The following HELQ variants were observed in gnomAD, a reference collection of about 807,000 sequenced individuals.
HELQ encodes helicase, POLQ like.
In HELQ, 77 loss-of-function variants were observed where a neutral mutation model predicts 111.6. The observed-to-expected ratio is 0.69, with a 90% CI of 0.57 to 0.83. HELQ has a LOEUF of 0.83. Ranked by LOEUF, HELQ falls within the 40% of genes least tolerant of loss-of-function variation. The pLI is 0.00. For synonymous variants in HELQ, 438 were observed against 454.7 expected, an observed-to-expected ratio of 0.96 and a Z score of 0.47; for missense variants, 1,200 against 1,288.5, an observed-to-expected ratio of 0.93 and a Z score of 1.05.
rs1406635262 is a variant in HELQ, at chr4:83,455,592, G to T, written c.102C>A (p.Leu34=). The T allele has an allele frequency of 1.2e-6, 2 of 1,613,930 alleles. No individual in the cohort carries two copies. The highest frequency in any genetic ancestry group is 2.7e-5 in the African/African-American group (2 of 74,876). The part of the protein sequence containing the change: ...CIFGAPTAAE[L]VPGDEGKEEE... ...CCTCTTTCCCCTCATCTCCGGGCAC[G>T]AGCTCGGCCGCGGTGGGAGCGCCAA... The change falls in exon 1 of 18, where the codon CTC becomes CTA. Residue 34 remains leucine (L), a synonymous_variant. Coordinates refer to ENST00000295488, the MANE Select transcript of HELQ (RefSeq NM_133636.5).
In HELQ at chr4:83,453,642, T is replaced by C. The variant is rs532015069; in HGVS notation, c.601A>G (p.Ile201Val). 6.2e-7 allele frequency: 1 copy of C among 1,614,086 alleles called. No homozygotes were observed. The highest frequency in any genetic ancestry group is 8.5e-7 in the Non-Finnish European group (1 of 1,179,942). The change falls in exon 2 of 18, where the codon ATA becomes GTA. Residue 201 changes from isoleucine (I) to valine (V), a missense_variant. This residue lies in a region of HELQ where 610 missense variants were observed against 607.1 expected (regional missense o/e 1.00). Transcript: ENST00000295488. ...LLYDVPSSQA[I>V]YFENLQNSSN... is the part of the protein sequence containing the mutation. ...GAGTTCTGCAAATTTTCAAAGTATA[T>C]AGCCTGTGAGGAAGGTACATCATAC...
At chr4:83,418,604 T>C (rs1739486307) in intron 15 of HELQ, among the ~76,000 whole-genome samples, 1 of 152,184 alleles carries the variant, frequency 6.6e-6, no homozygotes, top group Admixed American at 6.5e-5. Flanking sequence ...AATGCAACAA[T>C]ACAATAATAA....
chr4:83,442,227 A>G (rs955729196), intron 6 of HELQ, among the ~76,000 whole-genome samples: 1 of 148,852 alleles, frequency 6.7e-6, no homozygotes, highest in East Asian at 2.0e-4. Context: ...TCTCTTGAAA[A>G]TGTTCCTATC....
At chr4:83,420,076 TAAG>T (rs1208923724) in intron 15 of HELQ, among the ~76,000 whole-genome samples, 1 of 152,110 alleles carries the variant, frequency 6.6e-6, no homozygotes, top group Non-Finnish European at 1.5e-5. Flanking sequence ...TGCCACCCAA[TAAG>T]AAGAAATCTA....
intron 9 of HELQ, among the ~76,000 whole-genome samples, chr4:83,433,147 A>G (rs1720247932): frequency 6.6e-6 from 1 of 152,184 alleles, no homozygotes; most frequent in Admixed American, 6.5e-5. Flanking sequence ...GGGAAGAAAA[A>G]ACCTATTGTT....
Position 83,427,555 on chromosome 4 carries a change from A to G in HELQ, c.2676+8T>C. 6.6e-7 allele frequency: 1 copy of G among 1,520,324 alleles called. No homozygotes were observed. Among genetic ancestry groups the G allele is most frequent in the South Asian group, 1.3e-5 (1 of 76,980 alleles). The allele number at this position is 1,520,324 out of a possible 1,614,324, so 94.2% of individuals were successfully genotyped here. ...AGTAGCCTAAGTTGAAAAACGTTAT[A>G]TTCTCACCTGCCTGAAGTATATCAT... On this transcript the variant is annotated splice_region_variant and intron_variant, in intron 13 of 17. Transcript: ENST00000295488.
intron 16 of HELQ, among the ~76,000 whole-genome samples, chr4:83,417,508 A>C (rs1324090602): frequency 6.6e-6 from 1 of 152,048 alleles, no homozygotes. Context: ...GGCCAAGTCC[A>C]ATATCTTTCA....
chr4:83,438,733 G>A (rs149979585), intron 8 of HELQ, among the ~76,000 whole-genome samples: 133 of 131,278 alleles, frequency 1.0e-3, no homozygotes, highest in South Asian at 3.3e-3. Flanking sequence ...GTGACAGAGT[G>A]AGACCCTGTC....
intron 2 of HELQ, among the ~76,000 whole-genome samples, chr4:83,451,620 G>A (rs1464364034): frequency 6.6e-6 from 1 of 151,526 alleles, no homozygotes; most frequent in Non-Finnish European, 1.5e-5. Flanking sequence ...GAGCTGAGAT[G>A]CGCCACTGCA....
intron 6 of HELQ, 72 bp downstream of exon 6, chr4:83,443,445 T>C: frequency 1.5e-6 from 1 of 685,144 alleles, no homozygotes. Flanking sequence ...TTAAATCCTA[T>C]GTTTACTACT....
chr4:83,437,233 C>T (rs559058777), intron 8 of HELQ, 136 bp from the exon 9 acceptor site: 1 of 843,822 alleles, frequency 1.2e-6, no homozygotes. Context: ...ATTAAATGTT[C>T]TTAGAATTTT....
At position 83,450,222 on chromosome 4, in the gene HELQ, T is replaced by TAAAAAAAAA. The variant is rs71668650; in HGVS notation, c.1013-1270_1013-1262dup. Among the ~76,000 whole-genome samples, 97 of 45,600 alleles carry TAAAAAAAAA rather than the reference T, an allele frequency of 2.1e-3. 10 individuals carry two copies. Among genetic ancestry groups the TAAAAAAAAA allele is most frequent in the East Asian group, 3.3e-3 (3 of 906 alleles). 29.9% of individuals were successfully genotyped at this position (45,600 alleles called of 152,430 possible). On this transcript the variant is annotated intron_variant, in intron 2 of 17. Transcript: ENST00000295488. ...TGTATGTTCAATATACAGTTAAGTT[T>TAAAAAAAAA]AAAAAAAAAAAAAAAAAAAAAAAAA...
rs1248404080 is a variant in HELQ, at chr4:83,421,716, G to C, written c.2796C>G (p.Val932=). The change falls in exon 15 of 18, where the codon GTC becomes GTG. Residue 932 remains valine, a synonymous_variant. Coordinates refer to ENST00000295488, the MANE Select transcript of HELQ (RefSeq NM_133636.5). The part of the protein sequence containing the change: ...AIGKKVDKNV[V]NRLYLSFVLY... ...GAACAAAAGACAGATATAGCCTGTT[G>C]ACAACGTTCTTGTCCACCTTCTAGA... The C allele has an allele frequency of 6.2e-7, 1 of 1,613,092 alleles. No individual in the cohort carries two copies. The highest frequency in any genetic ancestry group is 8.5e-7 in the Non-Finnish European group (1 of 1,179,652).
At chr4:83,414,011 A>G (rs574956568) in intron 17 of HELQ, among the ~76,000 whole-genome samples, 6 of 152,366 alleles carry the variant, frequency 3.9e-5, no homozygotes, top group South Asian at 4.1e-4. Flanking sequence ...CATGAGCAAA[A>G]TAAGATGGCT....
At chr4:83,451,282 C>T (rs1721349476) in intron 2 of HELQ, among the ~76,000 whole-genome samples, 1 of 151,984 alleles carries the variant, frequency 6.6e-6, no homozygotes, top group Admixed American at 6.6e-5. Flanking sequence ...GGAACTAGGC[C>T]CAAAGTGCTA....
chr4:83,433,678 A>C lies in HELQ; in HGVS notation c.2049-1411T>G, dbSNP rs576057940. ...GAGACTCCGTCTCAAAAAAAAAAAA[A>C]AAAAAAAAAGGAGTAGACTATTGGC... On this transcript the variant is annotated intron_variant, in intron 9 of 17. Transcript: ENST00000295488. Among the ~76,000 whole-genome samples, 5 of 151,172 alleles carry C rather than the reference A, an allele frequency of 3.3e-5. No homozygotes were observed. In the South Asian group the frequency reaches 1.0e-3, roughly 31 times the overall value.
Position 83,439,898 on chromosome 4 carries a change from T to C in HELQ, c.1773A>G (p.Glu591=). The change falls in exon 8 of 18, where the codon GAA becomes GAG. Residue 591 remains glutamate (E), a synonymous_variant. Coordinates refer to ENST00000295488, the MANE Select transcript of HELQ (RefSeq NM_133636.5). ...LVFCPSKKNC[E]NVAEMICKFL... is the part of the protein sequence containing the mutation. Reference sequence around the variant, plus strand: ...ATTTGCATATCATTTCTGCTACATTTTCACAGTTCTTCTTACTAGGACAAA... The same window carrying C: ...ATTTGCATATCATTTCTGCTACATTCTCACAGTTCTTCTTACTAGGACAAA... The C allele has an allele frequency of 6.3e-7, 1 of 1,599,944 alleles. No individual in the cohort carries two copies. Among genetic ancestry groups the C allele is most frequent in the Admixed American group, 1.7e-5 (1 of 59,346 alleles).
intron 17 of HELQ, among the ~76,000 whole-genome samples, chr4:83,411,815 A>T (rs982050874): frequency 2.6e-5 from 4 of 151,270 alleles, no homozygotes; most frequent in South Asian, 2.1e-4. Flanking sequence ...AAAAAAAAAA[A>T]TTTCTTTTGT....
chr4:83,407,627 A>G (rs1738864170), intron 17 of HELQ, 67 bp from the exon 18 acceptor site: 13 of 947,374 alleles, frequency 1.4e-5, no homozygotes, highest in Non-Finnish European at 2.2e-5. Flanking sequence ...CAATTTTACC[A>G]CTGTCCATTG....
Sources: allele counts gnomAD v4.1 joint callset (sites outside exome capture counted in the v4.1 genomes callset), GRCh38; gene constraint gnomAD v4.1.1; regional missense constraint gnomAD v4.1.1; transcripts MANE v1.5; gene names NCBI Gene and HGNC (gene_info 2026-07-23, HGNC 2026-07-21).